Variants in ADGRL2 observed in about 807,000 individuals in gnomAD.
ADGRL2 encodes the protein calcium-independent alpha-latrotoxin receptor 2.
ADGRL2 carries 44 observed loss-of-function variants against 157.4 expected under a neutral mutation model. That is an observed-to-expected ratio of 0.28 (90% CI 0.22 to 0.36). The LOEUF (loss-of-function observed/expected upper bound fraction) is 0.36, where lower values mean the gene tolerates loss of function less well. ADGRL2 is among the 10% of genes least tolerant of loss of function. The probability of loss-of-function intolerance (pLI) is 1.00; values close to 1 mark genes in which losing one functional copy is unlikely to be tolerated. For missense variants in ADGRL2, 1,510 were observed against 1,768.9 expected (o/e 0.85, Z 2.63); for synonymous variants, 585 against 624.7 (o/e 0.94, Z 0.95).
At chr1:81,896,039 T>C (rs1436742332) in intron 2 of ADGRL2, among the ~76,000 whole-genome samples, 2 of 152,072 alleles carry the variant, frequency 1.3e-5, no homozygotes, top group African/African-American at 4.8e-5. Context: ...GAGGTGGGAG[T>C]GAATTAATGA....
At chr1:81,467,880 AAATT>A (rs1193637159) in intron 2 of ADGRL2, among the ~76,000 whole-genome samples, 3 of 152,178 alleles carry the variant, frequency 2.0e-5, no homozygotes, top group African/African-American at 4.8e-5. Context: ...TATGAAGTAT[AAATT>A]AATCTTTTCA....
chr1:81,956,647 G>GA (rs1653597411), intron 11 of ADGRL2, among the ~76,000 whole-genome samples: 1 of 152,080 alleles, frequency 6.6e-6, no homozygotes, highest in South Asian at 2.1e-4. Context: ...ATTCACTTGT[G>GA]AAAAATATTT....
At chr1:81,461,940 G>A (rs1018130643) in intron 2 of ADGRL2, among the ~76,000 whole-genome samples, 1 of 145,090 alleles carries the variant, frequency 6.9e-6, no homozygotes, top group African/African-American at 2.5e-5. Flanking sequence ...AGGGGGGGGG[G>A]GGTGGTGGAG....
At chr1:81,892,108 T>C (rs760483178) in intron 2 of ADGRL2, among the ~76,000 whole-genome samples, 4 of 152,090 alleles carry the variant, frequency 2.6e-5, no homozygotes, top group Non-Finnish European at 5.9e-5. Context: ...ACCAACACTG[T>C]GAATTAATTT....
intron 16 of ADGRL2, among the ~76,000 whole-genome samples, chr1:81,971,157 T>C (rs1184881136): frequency 6.6e-6 from 1 of 152,124 alleles, no homozygotes; most frequent in Non-Finnish European, 1.5e-5. Context: ...TTTGATAAAA[T>C]TAGTTATATA....
chr1:81,445,673 G>A (rs368521667), intron 2 of ADGRL2, among the ~76,000 whole-genome samples: 11 of 152,194 alleles, frequency 7.2e-5, no homozygotes, highest in African/African-American at 1.7e-4. Flanking sequence ...ATATTAAAGC[G>A]GACTTACATA....
chr1:81,337,393 G>A (rs1661728715), intron 1 of ADGRL2, among the ~76,000 whole-genome samples: 2 of 152,112 alleles, frequency 1.3e-5, no homozygotes, highest in Non-Finnish European at 2.9e-5. Flanking sequence ...GCTCCTGCTG[G>A]TGCCCCGAAG....
chr1:81,916,560 TAAAA>T (rs1258775803), intron 3 of ADGRL2, among the ~76,000 whole-genome samples: 1 of 152,030 alleles, frequency 6.6e-6, no homozygotes, highest in East Asian at 1.9e-4. Context: ...TTCTACCAGT[TAAAA>T]AAAGAACAAG....
At position 81,379,666 on chromosome 1, in the gene ADGRL2, G is replaced by A. The variant is rs751067788; in HGVS notation, c.-301-65370G>A. The stretch of plus-strand genomic sequence containing the variant: ...CCGGGCGATGGCCTGCCTGCATGCT[G>A]GCGTCTGTCCGTGTGCTCTTGTCAG... On this transcript the variant is annotated intron_variant, in intron 1 of 24. Coordinates refer to the ADGRL2 transcript ENST00000370721. Among the ~76,000 whole-genome samples the A allele has an allele frequency of 4.7e-4, 72 of 152,262 alleles. 1 individual carries two copies. Among genetic ancestry groups the A allele is most frequent in the Middle Eastern group, 3.4e-3 (1 of 294 alleles).
At chr1:81,556,171 G>A (rs1342873962) in intron 2 of ADGRL2, among the ~76,000 whole-genome samples, 1 of 151,964 alleles carries the variant, frequency 6.6e-6, no homozygotes, top group Non-Finnish European at 1.5e-5. Context: ...TACAAATATT[G>A]TATTAGATTT....
chr1:81,355,780 A>G (rs937046420), intron 1 of ADGRL2, among the ~76,000 whole-genome samples: 3 of 152,136 alleles, frequency 2.0e-5, no homozygotes, highest in Admixed American at 6.5e-5. Context: ...GCCTCTTTTT[A>G]TGTGTCATTA....
intron 2 of ADGRL2, among the ~76,000 whole-genome samples, chr1:81,549,833 T>A (rs903443826): frequency 1.3e-5 from 2 of 152,144 alleles, no homozygotes; most frequent in African/African-American, 2.4e-5. Context: ...GTGAGAGAGG[T>A]ATCTTCATTC....
rs917854903 is a variant in ADGRL2, at chr1:81,897,217, C to T, written c.74-9800C>T. 1.3e-4 allele frequency among the ~76,000 whole-genome samples: 19 copies of T among 151,980 alleles called. 1 individual carries two copies. The highest frequency in any genetic ancestry group is 6.6e-5 in the Admixed American group (1 of 15,250). On this transcript the variant is annotated intron_variant, in intron 2 of 23. Coordinates refer to ENST00000686636, the MANE Select transcript of ADGRL2 (RefSeq NM_001366006.2). ...CCTAACAGAAAAATGAGTGGAACAT[C>T]CTGTGCGGAGGAGATAGTTTAAACA...
At chr1:81,843,321 C>CG (rs2092670624) in intron 2 of ADGRL2, among the ~76,000 whole-genome samples, 1 of 151,936 alleles carries the variant, frequency 6.6e-6, no homozygotes, top group African/African-American at 2.4e-5. Context: ...TTAGTAGACA[C>CG]GGGGTTTCAC....
At chr1:81,855,542 CTTT>C (rs943199950) in intron 2 of ADGRL2, among the ~76,000 whole-genome samples, 3 of 138,606 alleles carry the variant, frequency 2.2e-5, no homozygotes, top group African/African-American at 1.0e-4. Flanking sequence ...TCTTCCTCTT[CTTT>C]TTCTTTTTCT....
rs537783670 is a variant in ADGRL2, at chr1:81,730,269, T to C, written c.-143+30461T>C. Among the ~76,000 whole-genome samples the C allele has an allele frequency of 6.6e-5, 10 of 152,306 alleles. No individual in the cohort carries two copies. In the South Asian group the frequency reaches 2.1e-3, roughly 32 times the overall value. On this transcript the variant is annotated intron_variant, in intron 1 of 20. Transcript: ENST00000359929. ...GTTTTACATATTGCCTTAACCCTTT[T>C]TACCCCTTTTCTCTGAAAATTGCTC... is the stretch of plus-strand genomic sequence containing the variant.
At chr1:81,441,133 T>C (rs1430450333) in intron 1 of ADGRL2, among the ~76,000 whole-genome samples, 1 of 152,188 alleles carries the variant, frequency 6.6e-6, no homozygotes, top group Non-Finnish European at 1.5e-5. Context: ...CAGCACCTAA[T>C]AGTACTACTT....
At chr1:81,898,584 C>T (rs184098609) in intron 2 of ADGRL2, among the ~76,000 whole-genome samples, 3 of 152,238 alleles carry the variant, frequency 2.0e-5, no homozygotes, top group East Asian at 1.9e-4. Context: ...CAAATTTACA[C>T]GAAATAGGTT....
intron 1 of ADGRL2, among the ~76,000 whole-genome samples, chr1:81,828,383 G>T (rs1198803002): frequency 6.6e-6 from 1 of 152,042 alleles, no homozygotes; most frequent in Non-Finnish European, 1.5e-5. Context: ...GGAAAATTCA[G>T]TAGTTTTTAT....
Sources: gnomAD v4.1 joint callset for allele counts (sites outside exome capture counted in the v4.1 genomes callset) on GRCh38, gnomAD v4.1.1 for gene constraint, MANE v1.5 for transcripts, NCBI Gene and HGNC (gene_info 2026-07-23, HGNC 2026-07-21) for gene names.